ADAM22: variants seen among roughly 807,000 people sequenced by gnomAD.
ADAM22 encodes the protein ADAM metallopeptidase domain 22, also known as disintegrin and metalloproteinase domain-containing protein 22.
Under a neutral mutation model 144.6 loss-of-function variants are expected in ADAM22, and 65 were observed. The observed-to-expected ratio is 0.45, with a 90% confidence interval of 0.37 to 0.55. ADAM22 has a LOEUF of 0.55. ADAM22 is among the 20% of genes least tolerant of loss of function. The pLI, the probability that ADAM22 is intolerant of heterozygous loss-of-function variation, is 0.00. For missense variants in ADAM22, 974 were observed against 1,184.9 expected, an observed-to-expected ratio of 0.82 and a Z score of 2.61; for synonymous variants, 391 against 412.6, an observed-to-expected ratio of 0.95 and a Z score of 0.63.
chr7:88,157,641 G>GT (rs577386115), intron 22 of ADAM22, among the ~76,000 whole-genome samples: 37 of 152,168 alleles, frequency 2.4e-4, no homozygotes, highest in African/African-American at 8.7e-4. Flanking sequence ...CCAAGTGATA[G>GT]TGAGGCGAAA....
chr7:88,069,759 A>T (rs1262250839), intron 3 of ADAM22, among the ~76,000 whole-genome samples: 1 of 152,148 alleles, frequency 6.6e-6, no homozygotes, highest in Non-Finnish European at 1.5e-5. Flanking sequence ...AACCAAAAAG[A>T]TAACCTGAAA....
chr7:88,107,401 A>G (rs1258056402), intron 4 of ADAM22, among the ~76,000 whole-genome samples: 2 of 151,528 alleles, frequency 1.3e-5, no homozygotes, highest in Non-Finnish European at 2.9e-5. Context: ...GGGTTTCACC[A>G]TATTGGCTGG....
At chr7:87,978,242 T>G in intron 2 of ADAM22, 94 bp from the exon 3 acceptor site, 1 of 939,710 alleles carries the variant, frequency 1.1e-6, no homozygotes, top group Non-Finnish European at 1.6e-6. Context: ...TTTCTTATGA[T>G]ATTGTAAGTG....
intron 4 of ADAM22, among the ~76,000 whole-genome samples, chr7:88,105,258 A>G (rs1585756321): frequency 6.6e-6 from 1 of 151,872 alleles, no homozygotes; most frequent in South Asian, 2.1e-4. Context: ...TACTATCTTC[A>G]TGTGTTACTG....
At chr7:88,033,536 G>A (rs1457746406) in intron 3 of ADAM22, among the ~76,000 whole-genome samples, 2 of 152,178 alleles carry the variant, frequency 1.3e-5, no homozygotes, top group African/African-American at 4.8e-5. Flanking sequence ...AAGGCCAGTG[G>A]TGACCACTGC....
chr7:88,092,959 T>C (rs1023537), intron 4 of ADAM22, among the ~76,000 whole-genome samples: 14,753 of 151,714 alleles, frequency 0.097, 1,580 homozygotes, highest in African/African-American at 0.27. Context: ...AGATTTTTTT[T>C]CCCCCAGTTA....
intron 3 of ADAM22, among the ~76,000 whole-genome samples, chr7:88,046,464 G>C (rs1383389299): frequency 6.6e-6 from 1 of 151,994 alleles, no homozygotes; most frequent in East Asian, 1.9e-4. Context: ...ATATATTTTG[G>C]ATGTTAACAC....
chr7:88,142,094 G>A (rs1455119998), intron 14 of ADAM22, among the ~76,000 whole-genome samples: 1 of 151,942 alleles, frequency 6.6e-6, no homozygotes, highest in Non-Finnish European at 1.5e-5. Context: ...TAATAACAAA[G>A]AAACTTTTTG....
intron 7 of ADAM22, among the ~76,000 whole-genome samples, chr7:88,117,849 A>C (rs900099190): frequency 6.6e-6 from 1 of 151,812 alleles, no homozygotes; most frequent in African/African-American, 2.4e-5. Flanking sequence ...ACACACCATT[A>C]CGCCTGGCTA....
intron 3 of ADAM22, among the ~76,000 whole-genome samples, chr7:88,022,704 A>G (rs1272246733): frequency 6.6e-6 from 1 of 152,196 alleles, no homozygotes; most frequent in Non-Finnish European, 1.5e-5. Flanking sequence ...CTCTGATTTC[A>G]TCATAAAATT....
chr7:88,019,955 A>G (rs1366708655), intron 3 of ADAM22, among the ~76,000 whole-genome samples: 1 of 151,854 alleles, frequency 6.6e-6, no homozygotes, highest in Non-Finnish European at 1.5e-5. Context: ...ATAAAAAACT[A>G]CATTAGTGTT....
chr7:88,134,409 G>C lies in ADAM22; in HGVS notation c.1158G>C (p.Lys386Asn), dbSNP rs181713252. Residue 386 changes from lysine (K) to asparagine (N), a missense_variant, in exon 13 of 32, where the codon AAG becomes AAC. Lys to Asn is a moderately conservative substitution (Grantham distance 94). Coordinates refer to ENST00000413139, the MANE Select transcript of ADAM22 (RefSeq NM_001324418.2). ...TTGGTATTATCTCAGACAAAAGAAA[G>C]TTAGCAAGTGGTAAGTTTTAGTACA... ...HNIGIISDKR[K>N]LASGECKCED... is the part of the protein sequence containing the mutation. The C allele has an allele frequency of 6.2e-7, 1 of 1,607,668 alleles. No individual in the cohort carries two copies. Among genetic ancestry groups the C allele is most frequent in the Non-Finnish European group, 8.5e-7 (1 of 1,176,554 alleles).
chr7:88,020,759 A>G (rs1269248775), intron 3 of ADAM22, among the ~76,000 whole-genome samples: 2 of 152,206 alleles, frequency 1.3e-5, no homozygotes, highest in African/African-American at 2.4e-5. Flanking sequence ...TTTTGTATTC[A>G]CATACTATGT....
At chr7:88,044,537 C>T (rs956074079) in intron 3 of ADAM22, among the ~76,000 whole-genome samples, 1 of 151,934 alleles carries the variant, frequency 6.6e-6, no homozygotes, top group African/African-American at 2.4e-5. Context: ...ACCTCCCCTT[C>T]CCGGGTTCAA....
chr7:88,168,102 C>T (rs1843345654), intron 24 of ADAM22, 35 bp from the exon 25 acceptor site: 1 of 1,574,744 alleles, frequency 6.4e-7, no homozygotes, highest in Non-Finnish European at 8.7e-7. Context: ...GATTTTATAC[C>T]ACTGATCTTC....
chr7:88,187,095 G>T (rs1328259579), intron 30 of ADAM22, among the ~76,000 whole-genome samples: 1 of 152,134 alleles, frequency 6.6e-6, no homozygotes, highest in Non-Finnish European at 1.5e-5. Flanking sequence ...CCTACTTACT[G>T]CCTAAGAGTG....
intron 2 of ADAM22, among the ~76,000 whole-genome samples, chr7:87,970,677 G>C (rs1850217154): frequency 6.6e-6 from 1 of 152,140 alleles, no homozygotes; most frequent in Admixed American, 6.6e-5. Flanking sequence ...GACTCTAGAA[G>C]ATATGAGGAG....
intron 4 of ADAM22, among the ~76,000 whole-genome samples, chr7:88,097,237 C>T (rs1190781246): frequency 6.6e-6 from 1 of 150,644 alleles, no homozygotes; most frequent in African/African-American, 2.4e-5. Flanking sequence ...CTGCAACCTC[C>T]ACCTCCCACG....
chr7:88,133,040 T>C, intron 12 of ADAM22, 89 bp downstream of exon 12: 1 of 1,179,952 alleles, frequency 8.5e-7, no homozygotes, highest in Non-Finnish European at 1.3e-6. Flanking sequence ...AGTATTCACA[T>C]ACTCCAGATG....
Sources: allele counts gnomAD v4.1 joint callset (sites outside exome capture counted in the v4.1 genomes callset), GRCh38; gene constraint gnomAD v4.1.1; transcripts MANE v1.5; gene names NCBI Gene and HGNC (gene_info 2026-07-23, HGNC 2026-07-21).